The following LGSN variants were observed in gnomAD, a reference collection of about 807,000 sequenced individuals.
LGSN encodes lengsin, lens protein with glutamine synthetase domain.
Under a neutral mutation model 19.5 loss-of-function variants are expected in LGSN, and 21 were observed. The observed-to-expected ratio is 1.07, with a 90% CI of 0.76 to 1.55. LGSN has a LOEUF of 1.55. Ranked by LOEUF, LGSN falls within the 40% of genes most tolerant of loss-of-function variation. The pLI, the probability that LGSN is intolerant of heterozygous loss-of-function variation, is 0.00. For missense variants in LGSN, 673 were observed against 608.5 expected (o/e 1.11, Z -1.12); for synonymous variants, 257 against 215.6 (o/e 1.19, Z -1.68).
chr6:63,447,100 T>G, the LGSN span, among the ~76,000 whole-genome samples: 2 of 152,240 alleles, frequency 1.3e-5, no homozygotes, highest in African/African-American at 4.8e-5. Flanking sequence ...TAGCATTGGA[T>G]AGCAGTTAAC....
chr6:63,564,080 G>C, the LGSN span, among the ~76,000 whole-genome samples: 1 of 152,144 alleles, frequency 6.6e-6, no homozygotes, highest in Non-Finnish European at 1.5e-5. Flanking sequence ...TTCGAGACCA[G>C]CCTGGCCAAC....
the LGSN span, among the ~76,000 whole-genome samples, chr6:63,568,999 G>A: frequency 6.6e-6 from 1 of 151,918 alleles, no homozygotes; most frequent in African/African-American, 2.4e-5. Flanking sequence ...ATATTGTCAC[G>A]TTTAATCTAT....
upstream of LGSN, among the ~76,000 whole-genome samples, chr6:63,324,893 T>C (rs1396836681): frequency 6.7e-6 from 1 of 150,260 alleles, no homozygotes; most frequent in Non-Finnish European, 1.5e-5. Flanking sequence ...ACATCACAAA[T>C]TCAGGAGATC....
chr6:63,308,958 C>T (rs1186150838), intron 1 of LGSN, among the ~76,000 whole-genome samples: 2 of 152,058 alleles, frequency 1.3e-5, no homozygotes, highest in Non-Finnish European at 2.9e-5. Flanking sequence ...TAAAAATATC[C>T]GTACCTATTA....
the LGSN span, among the ~76,000 whole-genome samples, chr6:63,535,126 A>G: frequency 2.4e-4 from 37 of 152,236 alleles, 1 homozygote; most frequent in African/African-American, 6.0e-4. Context: ...AATAAAATAC[A>G]TGGGGTGTGG....
chr6:63,572,862 C>T, the LGSN span: 4 of 390,806 alleles, frequency 1.0e-5, no homozygotes, highest in Non-Finnish European at 1.8e-5. Flanking sequence ...TGGGAGCGGG[C>T]GGGTTATGGC....
At chr6:63,542,578 T>C in the LGSN span, among the ~76,000 whole-genome samples, 1 of 152,110 alleles carries the variant, frequency 6.6e-6, no homozygotes, top group Non-Finnish European at 1.5e-5. Flanking sequence ...TTCAGTTCAG[T>C]TTTTGCCCCA....
the LGSN span, among the ~76,000 whole-genome samples, chr6:63,343,802 T>C: frequency 6.6e-6 from 1 of 152,196 alleles, no homozygotes; most frequent in East Asian, 1.9e-4. Flanking sequence ...CCTAATCATA[T>C]CCCATGAGCC....
chr6:63,335,744 G>T, the LGSN span, among the ~76,000 whole-genome samples: 447 of 151,952 alleles, frequency 2.9e-3, 3 homozygotes, highest in African/African-American at 0.01. Flanking sequence ...CCACTATGGA[G>T]AACACAATGG....
At chr6:63,310,525 A>C (rs898384063) in intron 1 of LGSN, among the ~76,000 whole-genome samples, 1 of 152,122 alleles carries the variant, frequency 6.6e-6, no homozygotes, top group African/African-American at 2.4e-5. Flanking sequence ...GGTATGTCAA[A>C]AAGTTCATGG....
chr6:63,358,100 C>T, the LGSN span, among the ~76,000 whole-genome samples: 1 of 152,274 alleles, frequency 6.6e-6, no homozygotes. Context: ...ATCCTTTCCC[C>T]ATTGCTTGTT....
At chr6:63,379,526 G>A in the LGSN span, among the ~76,000 whole-genome samples, 1 of 152,136 alleles carries the variant, frequency 6.6e-6, no homozygotes, top group Non-Finnish European at 1.5e-5. Context: ...TTCCTTATCT[G>A]TATTGCCAAT....
At chr6:63,562,206 T>TC in the LGSN span, among the ~76,000 whole-genome samples, 3 of 151,344 alleles carry the variant, frequency 2.0e-5, no homozygotes, top group African/African-American at 7.3e-5. Flanking sequence ...TTTTTCTTTT[T>TC]TTTTTTTTTT....
At chr6:63,400,937 C>T in the LGSN span, among the ~76,000 whole-genome samples, 7 of 151,404 alleles carry the variant, frequency 4.6e-5, no homozygotes, top group African/African-American at 4.9e-5. Context: ...GAGGTTGCAG[C>T]GAGCTGAAAT....
chr6:63,453,435 T>C, the LGSN span, among the ~76,000 whole-genome samples: 1 of 152,214 alleles, frequency 6.6e-6, no homozygotes, highest in Non-Finnish European at 1.5e-5. Context: ...AGTGTTTTAC[T>C]TCAGGTATTT....
chr6:63,525,350 G>A, the LGSN span, among the ~76,000 whole-genome samples: 1 of 152,306 alleles, frequency 6.6e-6, no homozygotes, highest in African/African-American at 2.4e-5. Context: ...GTTAGATTCT[G>A]CCAATGGGGG....
the LGSN span, among the ~76,000 whole-genome samples, chr6:63,418,942 C>G: frequency 6.6e-6 from 1 of 151,628 alleles, no homozygotes; most frequent in Non-Finnish European, 1.5e-5. Flanking sequence ...AACTTTGACT[C>G]CCAGCCTAGC....
At chr6:63,415,854 G>A in the LGSN span, among the ~76,000 whole-genome samples, 62 of 152,226 alleles carry the variant, frequency 4.1e-4, no homozygotes, top group Admixed American at 7.9e-4. Context: ...AGTAGGTAGC[G>A]TTATGTGAAC....
the LGSN span, among the ~76,000 whole-genome samples, chr6:63,346,836 G>A: frequency 2.0e-5 from 3 of 152,146 alleles, no homozygotes; most frequent in Non-Finnish European, 4.4e-5. Context: ...TGGAGATTGA[G>A]TTAATGCTCG....
Sources: allele counts gnomAD v4.1 joint callset (sites outside exome capture counted in the v4.1 genomes callset), GRCh38; gene constraint gnomAD v4.1.1; transcripts MANE v1.5; gene names NCBI Gene and HGNC (gene_info 2026-07-23, HGNC 2026-07-21).